WDPCP: variants seen among roughly 807,000 people sequenced by gnomAD.
WDPCP encodes the protein WD repeat containing planar cell polarity effector, also known as WD repeat-containing and planar cell polarity effector protein fritz homolog.
WDPCP carries 71 observed loss-of-function variants against 93.1 expected under a neutral mutation model. The ratio of observed to expected loss-of-function variants is 0.76; its 90% CI spans 0.63 to 0.93. WDPCP has a LOEUF of 0.93. WDPCP is among the 40% of genes least tolerant of loss of function. The probability of loss-of-function intolerance (pLI) is 0.00; values close to 1 mark genes in which losing one functional copy is unlikely to be tolerated. For synonymous variants in WDPCP, 315 were observed against 315.0 expected (o/e 1.00, Z 0.00); for missense variants, 844 against 887.4 (o/e 0.95, Z 0.62).
intron 12 of WDPCP, among the ~76,000 whole-genome samples, chr2:63,349,119 A>G (rs1689401725): frequency 1.3e-5 from 2 of 152,232 alleles, no homozygotes; most frequent in Non-Finnish European, 2.9e-5. Flanking sequence ...TAAAAAATTT[A>G]CATGGATTGG....
chr2:63,285,978 A>C (rs1683967832), intron 13 of WDPCP, among the ~76,000 whole-genome samples: 1 of 145,080 alleles, frequency 6.9e-6, no homozygotes, highest in South Asian at 2.3e-4. Flanking sequence ...TAATAACACA[A>C]GGTCATGAAA....
chr2:63,469,358 A>C (rs1353753926), intron 6 of WDPCP, among the ~76,000 whole-genome samples: 1 of 152,230 alleles, frequency 6.6e-6, no homozygotes, highest in South Asian at 2.1e-4. Flanking sequence ...GATATACCCA[A>C]AGGAATATAA....
At chr2:63,446,688 C>G (rs1020020711) in intron 6 of WDPCP, among the ~76,000 whole-genome samples, 16 of 152,192 alleles carry the variant, frequency 1.1e-4, no homozygotes, top group Non-Finnish European at 2.2e-4. Context: ...GAAACCCACC[C>G]TGTGTGTCTC....
intron 2 of WDPCP, among the ~76,000 whole-genome samples, chr2:63,775,039 A>T (rs2103956475): frequency 6.6e-6 from 1 of 152,284 alleles, no homozygotes; most frequent in Admixed American, 6.5e-5. Flanking sequence ...AAGAGATGCT[A>T]ATCCCAAATC....
intron 14 of WDPCP, among the ~76,000 whole-genome samples, chr2:63,214,185 A>T (rs920564116): frequency 5.9e-5 from 9 of 152,188 alleles, no homozygotes; most frequent in Non-Finnish European, 1.3e-4. Flanking sequence ...AGAATTTTAG[A>T]CCAATATCCA....
intron 15 of WDPCP, among the ~76,000 whole-genome samples, chr2:63,168,186 T>C (rs1198218360): frequency 6.6e-6 from 1 of 152,068 alleles, no homozygotes; most frequent in Non-Finnish European, 1.5e-5. Context: ...CTTGCATCTT[T>C]TATAGATTTT....
chr2:63,187,343 T>TTTAA (rs1327725415), intron 14 of WDPCP, among the ~76,000 whole-genome samples: 1 of 152,106 alleles, frequency 6.6e-6, no homozygotes. Flanking sequence ...GGCTGAGGGG[T>TTTAA]TTAATTGCCT....
chr2:63,589,858 ATCAAAC>A (rs1709133483), upstream of WDPCP: 1 of 176,218 alleles, frequency 5.7e-6, no homozygotes, highest in African/African-American at 2.4e-5. Flanking sequence ...GACATTTGTC[ATCAAAC>A]TCAGAGAAAT....
intron 9 of WDPCP, among the ~76,000 whole-genome samples, chr2:63,405,298 T>G (rs11125968): frequency 6.6e-6 from 1 of 151,912 alleles, no homozygotes; most frequent in African/African-American, 2.4e-5. Context: ...TAGAAAGAAA[T>G]AATGTAATGT....
At chr2:63,289,280 T>TTATATTTA (rs1684234661) in intron 13 of WDPCP, among the ~76,000 whole-genome samples, 1 of 152,110 alleles carries the variant, frequency 6.6e-6, no homozygotes, top group Non-Finnish European at 1.5e-5. Flanking sequence ...ATCTTTACTT[T>TTATATTTA]TATATTTATT....
chr2:63,605,756 G>A (rs544656729), intron 3 of WDPCP: 78 of 618,250 alleles, frequency 1.3e-4, no homozygotes, highest in Non-Finnish European at 2.0e-4. Flanking sequence ...ATATGGAAGC[G>A]TGGAATGAAA....
At chr2:63,350,869 C>T (rs1689550654) in intron 12 of WDPCP, among the ~76,000 whole-genome samples, 1 of 152,032 alleles carries the variant, frequency 6.6e-6, no homozygotes, top group African/African-American at 2.4e-5. Flanking sequence ...TAGACCTTTC[C>T]TCCCTCCCTT....
intron 1 of WDPCP, among the ~76,000 whole-genome samples, chr2:63,815,345 T>TA (rs973686730): frequency 2.0e-5 from 3 of 152,154 alleles, no homozygotes; most frequent in African/African-American, 4.8e-5. Context: ...TCTAGTGGAT[T>TA]AAAAAAAGGA....
At chr2:63,669,039 C>T (rs1315374641) in intron 2 of WDPCP, among the ~76,000 whole-genome samples, 1 of 152,218 alleles carries the variant, frequency 6.6e-6, no homozygotes, top group Non-Finnish European at 1.5e-5. Context: ...CTAACACTTA[C>T]TTAGCATTGC....
chr2:63,303,101 C>T (rs1198111857), intron 13 of WDPCP, among the ~76,000 whole-genome samples: 1 of 152,212 alleles, frequency 6.6e-6, no homozygotes, highest in Non-Finnish European at 1.5e-5. Flanking sequence ...GTGTTTCCTA[C>T]AGGCCCCACC....
intron 1 of WDPCP, among the ~76,000 whole-genome samples, chr2:63,536,041 A>T (rs1199030439): frequency 6.6e-6 from 1 of 152,214 alleles, no homozygotes; most frequent in Non-Finnish European, 1.5e-5. Context: ...TCCCATCAAA[A>T]ACTGGGCGAA....
At chr2:63,472,747 A>T (rs986417160) in intron 6 of WDPCP, among the ~76,000 whole-genome samples, 1 of 152,062 alleles carries the variant, frequency 6.6e-6, no homozygotes, top group Non-Finnish European at 1.5e-5. Flanking sequence ...TTTAGTAGAG[A>T]CAGGGTTTTG....
intron 1 of WDPCP, among the ~76,000 whole-genome samples, chr2:63,573,023 G>A (rs919606972): frequency 1.3e-5 from 2 of 152,060 alleles, no homozygotes; most frequent in African/African-American, 2.4e-5. Context: ...AAGGCAGGAG[G>A]ACTGACTGGG....
chr2:63,821,902 A>G (rs911386597), intron 1 of WDPCP, among the ~76,000 whole-genome samples: 1 of 152,180 alleles, frequency 6.6e-6, no homozygotes, highest in African/African-American at 2.4e-5. Flanking sequence ...ATAGGTTTTC[A>G]GCACCTTTTC....
Sources: gnomAD v4.1 joint callset for allele counts (sites outside exome capture counted in the v4.1 genomes callset) on GRCh38, gnomAD v4.1.1 for gene constraint, MANE v1.5 for transcripts, NCBI Gene and HGNC (gene_info 2026-07-23, HGNC 2026-07-21) for gene names.